Variants in UBR3 observed in about 807,000 individuals in gnomAD.
The protein encoded by UBR3 is ubiquitin protein ligase E3 component n-recognin 3, also known as E3 ubiquitin-protein ligase UBR3.
UBR3 carries 85 observed loss-of-function variants against 243.2 expected under a neutral mutation model. That is an observed-to-expected ratio of 0.35 (90% CI 0.29 to 0.42). The LOEUF (loss-of-function observed/expected upper bound fraction) is 0.42. UBR3 is among the 10% of genes least tolerant of loss of function. The pLI is 1.00. For synonymous variants in UBR3, 748 were observed against 799.8 expected, an observed-to-expected ratio of 0.94 and a Z score of 1.09; for missense variants, 1,686 against 2,300.8, an observed-to-expected ratio of 0.73 and a Z score of 5.47.
rs576273265 is a variant in UBR3 at position 169,980,003 on chromosome 2, A to T, written c.3635-6642A>T. Among the ~76,000 whole-genome samples the T allele has an allele frequency of 1.1e-4, 16 of 152,340 alleles. No homozygotes were observed. The South Asian group carries it at 3.3e-3, about 32-fold the overall frequency. On this transcript the variant is annotated intron_variant, in intron 24 of 38. Coordinates refer to ENST00000272793, the MANE Select transcript of UBR3 (RefSeq NM_172070.4). ...TGTATGAAACAACCTCACTGAAAAG[A>T]GTAGGGGGAAAGGTGCTGGCTACCT...
intron 31 of UBR3, among the ~76,000 whole-genome samples, chr2:170,033,802 ATTATT>A (rs1400647486): frequency 1.3e-5 from 2 of 151,610 alleles, no homozygotes; most frequent in African/African-American, 4.8e-5. Context: ...TCCTATGAAA[ATTATT>A]TTATTTCCTT....
intron 1 of UBR3, 91 bp downstream of exon 1, chr2:169,828,143 C>T: frequency 1.6e-6 from 2 of 1,229,000 alleles, no homozygotes; most frequent in Non-Finnish European, 2.0e-6. Flanking sequence ...CCACTCTGAG[C>T]TGTCAAGGGG....
At chr2:170,069,528 T>C (rs1172336013) in intron 35 of UBR3, among the ~76,000 whole-genome samples, 3 of 152,086 alleles carry the variant, frequency 2.0e-5, no homozygotes, top group Non-Finnish European at 2.9e-5. Context: ...ATGCTGTACA[T>C]TACCTCTCCA....
At chr2:169,972,561 T>C (rs529201917) in intron 24 of UBR3, among the ~76,000 whole-genome samples, 278 of 152,246 alleles carry the variant, frequency 1.8e-3, no homozygotes, top group African/African-American at 6.3e-3. Flanking sequence ...AAAAGCTTAT[T>C]CACCATGATC....
At chr2:170,034,318 C>G (rs1032283869) in intron 31 of UBR3, among the ~76,000 whole-genome samples, 7 of 151,960 alleles carry the variant, frequency 4.6e-5, no homozygotes. Flanking sequence ...TAAAAAAACC[C>G]TCTGTGCTCT....
At chr2:170,007,928 TG>T (rs1300660329) in intron 28 of UBR3, among the ~76,000 whole-genome samples, 18 of 152,302 alleles carry the variant, frequency 1.2e-4, no homozygotes, top group African/African-American at 4.3e-4. Flanking sequence ...TGTGTGTGTG[TG>T]TATGTATCTC....
At chr2:169,990,610 G>A (rs1380874454) in intron 25 of UBR3, among the ~76,000 whole-genome samples, 1 of 151,860 alleles carries the variant, frequency 6.6e-6, no homozygotes, top group Non-Finnish European at 1.5e-5. Flanking sequence ...GGATGGAGGA[G>A]TTTTTGTATA....
intron 24 of UBR3, among the ~76,000 whole-genome samples, chr2:169,965,393 G>T (rs910590778): frequency 6.6e-6 from 1 of 152,030 alleles, no homozygotes; most frequent in Non-Finnish European, 1.5e-5. Context: ...CCTTATCACT[G>T]GGGATCTGTT....
intron 18 of UBR3, 106 bp downstream of exon 18, chr2:169,928,974 GTTTTC>G (rs2086013665): frequency 2.9e-6 from 3 of 1,024,090 alleles, no homozygotes; most frequent in Admixed American, 7.5e-5. Context: ...TCAAGCTTTG[GTTTTC>G]TTTTCTCCAT....
In UBR3 at chr2:169,904,990, T is replaced by G. The variant is rs2084963164; in HGVS notation, c.1466-124T>G. On this transcript the variant is annotated intron_variant, in intron 8 of 38. Coordinates refer to ENST00000272793, the MANE Select transcript of UBR3 (RefSeq NM_172070.4). ...ATTGTGCCTAAAGCCATATAGGTATTAAATGGAAGGCTGGGGTTTGAATTT... is the reference window on the plus strand; with the variant it reads ...ATTGTGCCTAAAGCCATATAGGTATGAAATGGAAGGCTGGGGTTTGAATTT... 9 of 714,926 alleles carry G rather than the reference T, an allele frequency of 1.3e-5. No individual in the cohort carries two copies. The East Asian group carries it at 3.0e-4, about 24-fold the overall frequency. The allele number at this position is 714,926 out of a possible 1,614,324, so 44.3% of individuals were successfully genotyped here. A position where few individuals can be genotyped will look rare whatever the true frequency, so the allele number is the denominator to read the frequency against.
chr2:169,877,687 C>T (rs1224588293), intron 4 of UBR3, 50 bp downstream of exon 4: 2 of 1,477,034 alleles, frequency 1.4e-6, no homozygotes, highest in Admixed American at 3.0e-5. Context: ...TGTATTAAAA[C>T]CAAAAAAACC....
intron 8 of UBR3, among the ~76,000 whole-genome samples, chr2:169,901,425 T>C (rs1337468908): frequency 6.6e-6 from 1 of 152,178 alleles, no homozygotes; most frequent in African/African-American, 2.4e-5. Flanking sequence ...GCATAAGATA[T>C]CATGATATAT....
rs543388875 is a variant in UBR3 at position 169,872,332 on chromosome 2, A to G, written c.642A>G (p.Ile214Met). 8.5e-5 allele frequency: 129 copies of G among 1,516,694 alleles called. 1 individual carries two copies. The highest frequency in any genetic ancestry group is 5.2e-4 in the African/African-American group (38 of 72,392). 94.0% of individuals were successfully genotyped at this position (1,516,694 alleles called of 1,614,324 possible). A position where few individuals can be genotyped will look rare whatever the true frequency, so the allele number is the denominator to read the frequency against. Residue 214 changes from isoleucine (I) to methionine (M), a missense_variant, in exon 2 of 39, where the codon ATA becomes ATG. Coordinates refer to ENST00000272793, the MANE Select transcript of UBR3 (RefSeq NM_172070.4). ...CTGAATTTGTTCTTCCAAGATTTAT[A>G]TTTTGTCTTATTCAGTACTTAAGAG... is the stretch of plus-strand genomic sequence containing the variant. ...MMSEFVLPRF[I>M]FCLIQYLREG...
chr2:169,965,872 T>A (rs2087783747), intron 24 of UBR3, among the ~76,000 whole-genome samples: 1 of 152,192 alleles, frequency 6.6e-6, no homozygotes, highest in African/African-American at 2.4e-5. Flanking sequence ...CTGTAGTTGC[T>A]CCTTTTTATT....
intron 10 of UBR3, among the ~76,000 whole-genome samples, chr2:169,907,036 CTTTTTT>C (rs36078695): frequency 8.9e-6 from 1 of 112,358 alleles, no homozygotes; most frequent in Non-Finnish European, 1.8e-5. Context: ...AAATTTCTTT[CTTTTTT>C]TTTTTTTTTT....
At chr2:170,050,334 G>A (rs1262801257) in intron 32 of UBR3, among the ~76,000 whole-genome samples, 1 of 152,148 alleles carries the variant, frequency 6.6e-6, no homozygotes, top group Non-Finnish European at 1.5e-5. Context: ...TCTGCATGTG[G>A]TATATGCAAA....
rs145668289 is a variant in UBR3 at position 169,945,717 on chromosome 2, A to G, written c.2806-571A>G. Among the ~76,000 whole-genome samples the G allele has an allele frequency of 7.0e-3, 1,072 of 152,308 alleles. 8 individuals are homozygous for G. Among genetic ancestry groups the G allele is most frequent in the South Asian group, 0.014 (66 of 4,828 alleles). On this transcript the variant is annotated intron_variant, in intron 20 of 38. Coordinates refer to ENST00000272793, the MANE Select transcript of UBR3 (RefSeq NM_172070.4). The stretch of plus-strand genomic sequence containing the variant: ...TATTGAATGAGTGATTGGTGTAGGT[A>G]GCCCAGAAATCCTGTGTAAGATGTA...
At chr2:169,859,654 T>G (rs2083017835) in intron 1 of UBR3, among the ~76,000 whole-genome samples, 1 of 152,114 alleles carries the variant, frequency 6.6e-6, no homozygotes, top group Admixed American at 6.6e-5. Context: ...TCTAGTGTCA[T>G]TCTACTGTTA....
At chr2:170,043,534 G>A (rs1267042922) in intron 32 of UBR3, among the ~76,000 whole-genome samples, 5 of 152,274 alleles carry the variant, frequency 3.3e-5, no homozygotes, top group African/African-American at 7.2e-5. Flanking sequence ...ATGTAAAAAT[G>A]TATAATATTG....
Sources: gnomAD v4.1 joint callset for allele counts (sites outside exome capture counted in the v4.1 genomes callset) on GRCh38, gnomAD v4.1.1 for gene constraint, MANE v1.5 for transcripts, NCBI Gene and HGNC (gene_info 2026-07-23, HGNC 2026-07-21) for gene names.